IL24: variants seen among roughly 807,000 people sequenced by gnomAD.
The protein encoded by IL24 is interleukin-24.
A neutral mutation model predicts 27.6 loss-of-function variants in IL24; 24 were observed. The ratio of observed to expected loss-of-function variants is 0.87; its 90% CI spans 0.63 to 1.22. The LOEUF is 1.22. IL24 is among the 50% of genes most tolerant of loss of function. The pLI is 0.00. For missense variants in IL24, 240 were observed against 237.0 expected (o/e 1.01, Z -0.08); for synonymous variants, 99 against 93.1 (o/e 1.06, Z -0.36).
chr1:206,898,823 G>A (rs1474848294), intron 2 of IL24, among the ~76,000 whole-genome samples: 1 of 152,182 alleles, frequency 6.6e-6, no homozygotes, highest in Non-Finnish European at 1.5e-5. Flanking sequence ...TTGTGATGAG[G>A]AGTGAGGGAC....
chr1:206,902,913 G>A, intron 6 of IL24, 63 bp from the exon 7 acceptor site: 1 of 1,612,852 alleles, frequency 6.2e-7, no homozygotes, highest in Non-Finnish European at 8.5e-7. Flanking sequence ...AGGCATGGCA[G>A]GTTGGAAGAA....
chr1:206,899,029 G>T (rs936567440), intron 2 of IL24, among the ~76,000 whole-genome samples: 7 of 152,202 alleles, frequency 4.6e-5, no homozygotes, highest in African/African-American at 1.4e-4. Context: ...GTAGGCTAGA[G>T]AGAACTGCGA....
chr1:206,899,551 G>A (rs931107558), intron 3 of IL24, 36 bp downstream of exon 3: 1 of 1,503,450 alleles, frequency 6.7e-7, no homozygotes, highest in Non-Finnish European at 8.9e-7. Flanking sequence ...AGTCGTGGGG[G>A]TTCCTGGGGG....
chr1:206,901,396 G>T, intron 4 of IL24, 98 bp from the exon 5 acceptor site: 1 of 1,341,460 alleles, frequency 7.5e-7, no homozygotes, highest in Non-Finnish European at 1.0e-6. Context: ...CCCTATCTCT[G>T]CTGTGCTTAT....
intron 2 of IL24, 78 bp downstream of exon 2, chr1:206,897,954 A>G: frequency 1.2e-6 from 1 of 865,158 alleles, no homozygotes; most frequent in South Asian, 1.5e-5. Context: ...GGAGTTCGAG[A>G]CCAGCCTGGC....
At chr1:206,901,836 C>T (rs1678395975) in intron 5 of IL24, among the ~76,000 whole-genome samples, 162 bp from the exon 6 acceptor site, 1 of 152,176 alleles carries the variant, frequency 6.6e-6, no homozygotes, top group Admixed American at 6.5e-5. Flanking sequence ...TAGCCCCTTT[C>T]ACAAGGTGGG....
At chr1:206,901,372 A>C (rs1294775524) in intron 4 of IL24, 122 bp from the exon 5 acceptor site, 2 of 1,119,916 alleles carry the variant, frequency 1.8e-6, no homozygotes, top group East Asian at 5.4e-5. Flanking sequence ...GTTCATCATC[A>C]CCTTCTAGAA....
chr1:206,899,271 T>C (rs1175596353), intron 2 of IL24, 49 bp from the exon 3 acceptor site: 1 of 1,583,554 alleles, frequency 6.3e-7, no homozygotes, highest in Non-Finnish European at 8.6e-7. Context: ...GGCATGTAAC[T>C]CTGGGTCAGA....
intron 4 of IL24, 63 bp from the exon 5 acceptor site, chr1:206,901,431 G>T (rs764295147): frequency 3.7e-5 from 57 of 1,537,796 alleles, no homozygotes; most frequent in Middle Eastern, 2.0e-4. Flanking sequence ...CATGTGGGTT[G>T]TTCCTTCAGG....
At chr1:206,900,706 T>C (rs1572605787) in intron 4 of IL24, among the ~76,000 whole-genome samples, 1 of 152,078 alleles carries the variant, frequency 6.6e-6, no homozygotes, top group South Asian at 2.1e-4. Flanking sequence ...TCCTTTTTCC[T>C]GGGTCCTCCT....
chr1:206,901,274 C>A lies in IL24; in HGVS notation c.304-220C>A, dbSNP rs565691163. 1.5e-3 allele frequency among the ~76,000 whole-genome samples: 233 copies of A among 152,222 alleles called. 1 individual carries two copies. The highest frequency in any genetic ancestry group is 4.5e-3 in the African/African-American group (188 of 41,514). On this transcript the variant is annotated intron_variant, in intron 4 of 6. Transcript: ENST00000294984. ...CCACTGATTGACTATGTGAATCGGG[C>A]CAGGTCATTTCTCTCCCTGGGTCTT...
chr1:206,901,326 C>T (rs900827692), intron 4 of IL24, among the ~76,000 whole-genome samples, 168 bp from the exon 5 acceptor site: 1 of 152,134 alleles, frequency 6.6e-6, no homozygotes, highest in Non-Finnish European at 1.5e-5. Flanking sequence ...CAAAGACCTG[C>T]TCTCCATGGC....
intron 3 of IL24, 90 bp from the exon 4 acceptor site, chr1:206,900,205 T>G: frequency 8.5e-7 from 1 of 1,174,298 alleles, no homozygotes; most frequent in Non-Finnish European, 1.3e-6. Flanking sequence ...CTAGATAGAT[T>G]TAGGGGTCTA....
At chr1:206,902,284 G>C (rs2102527524) in intron 6 of IL24, 1 of 985,338 alleles carries the variant, frequency 1.0e-6, no homozygotes, top group East Asian at 1.1e-4. Flanking sequence ...AAGTTAAAGT[G>C]CTTCTATATT....
intron 2 of IL24, among the ~76,000 whole-genome samples, chr1:206,898,308 C>T (rs1163057615): frequency 6.6e-6 from 1 of 152,066 alleles, no homozygotes; most frequent in African/African-American, 2.4e-5. Flanking sequence ...ACCAGCAGAA[C>T]CGGGTCTTCT....
intron 5 of IL24, 78 bp from the exon 6 acceptor site, chr1:206,901,920 T>C (rs1678401377): frequency 7.0e-7 from 1 of 1,423,136 alleles, no homozygotes; most frequent in Non-Finnish European, 9.9e-7. Context: ...CCCTGTGGCA[T>C]CAGCAGGAAA....
At chr1:206,901,731 G>T (rs750877654) in intron 5 of IL24, 79 bp downstream of exon 5, 31 of 1,253,504 alleles carry the variant, frequency 2.5e-5, no homozygotes, top group Non-Finnish European at 3.5e-5. Flanking sequence ...GTGACCCTCT[G>T]CAAAGTCCTC....
chr1:206,899,490 C>T lies in IL24; in HGVS notation c.215C>T (p.Ala72Val). Reference protein sequence around the residue: ...KGVVPQKLWEAFWAVKDTMQA... With the variant: ...KGVVPQKLWEVFWAVKDTMQA... Reference sequence around the variant, plus strand: ...GTTGTTCCCCAGAAACTGTGGGAAGCCTTCTGGGCTGTGAAAGACACTATG... The same window carrying T: ...GTTGTTCCCCAGAAACTGTGGGAAGTCTTCTGGGCTGTGAAAGACACTATG... Residue 72 changes from alanine to valine, a missense_variant, in exon 3 of 7, where the codon GCC becomes GTC. Ala to Val is a moderately conservative substitution (Grantham distance 64). Transcript: ENST00000294984. 6.2e-7 allele frequency: 1 copy of T among 1,609,542 alleles called. No homozygotes were observed.
rs3093430 is a variant in IL24, at chr1:206,901,063, T to C, written c.304-431T>C. ...AGTGCAATTGCTGTGTCCAAAGATATTAGTTTCTCCTCATTTCTTCTGTTC... is the reference window on the plus strand; with the variant it reads ...AGTGCAATTGCTGTGTCCAAAGATACTAGTTTCTCCTCATTTCTTCTGTTC... On this transcript the variant is annotated intron_variant, in intron 4 of 6. Coordinates refer to ENST00000294984, the MANE Select transcript of IL24 (RefSeq NM_006850.3). 3.0e-3 allele frequency among the ~76,000 whole-genome samples: 462 copies of C among 152,208 alleles called. 3 individuals are homozygous for C. The highest frequency in any genetic ancestry group is 0.01 in the African/African-American group (435 of 41,534).
Sources: allele counts gnomAD v4.1 joint callset (sites outside exome capture counted in the v4.1 genomes callset), GRCh38; gene constraint gnomAD v4.1.1; transcripts MANE v1.5; gene names NCBI Gene and HGNC (gene_info 2026-07-23, HGNC 2026-07-21).